CHIT1: variants seen among roughly 807,000 people sequenced by gnomAD.
The protein encoded by CHIT1 is chitinase 1, also known as chitotriosidase-1.
A neutral mutation model predicts 52.0 loss-of-function variants in CHIT1; 47 were observed. That is an observed-to-expected ratio of 0.90 (90% CI 0.71 to 1.15). The LOEUF is 1.15. Among genes scored for constraint, CHIT1 ranks in the 50% most tolerant of loss-of-function variants. CHIT1 has a pLI of 0.00. For missense variants in CHIT1, 569 were observed against 583.0 expected (o/e 0.98, Z 0.25); for synonymous variants, 242 against 228.2 (o/e 1.06, Z -0.54).
chr1:203,216,146 G>C lies in CHIT1; in HGVS notation c.*743C>G, dbSNP rs541251343. ...GCTCTCTGGCCCATTTCAGGCCTTG[G>C]TTCTGGACTCAGAATTGGTTAGAAT... On this transcript the variant is annotated 3_prime_UTR_variant, in exon 11 of 11. Transcript: ENST00000367229. 3.4e-4 allele frequency: 156 copies of C among 454,114 alleles called. No individual in the cohort carries two copies. The highest frequency in any genetic ancestry group is 3.0e-3 in the African/African-American group (151 of 50,112). 28.1% of individuals were successfully genotyped at this position (454,114 alleles called of 1,614,324 possible). A position where few individuals can be genotyped will look rare whatever the true frequency, so the allele number is the denominator to read the frequency against.
chr1:203,220,465 G>A (rs1021499264), intron 7 of CHIT1, among the ~76,000 whole-genome samples: 1 of 152,080 alleles, frequency 6.6e-6, no homozygotes, highest in African/African-American at 2.4e-5. Context: ...TAGAACAAAG[G>A]CTTCCTTACC....
In CHIT1 at chr1:203,223,572, G is replaced by A. The variant is rs200190580; in HGVS notation, c.403C>T (p.Leu135Phe). 65 of 1,614,202 alleles carry A rather than the reference G, an allele frequency of 4.0e-5. No homozygotes were observed. The highest frequency in any genetic ancestry group is 8.5e-7 in the Non-Finnish European group (1 of 1,180,036). The change falls in exon 5 of 11, where the codon CTT becomes TTT. Residue 135 changes from leucine (L) to phenylalanine (F), a missense_variant. By Grantham distance (22) the Leu-to-Phe change is conservative (BLOSUM62 0). Transcript: ENST00000367229. ...RFLRKYSFDG[L>F]DLDWEYPGSQ... is the part of the protein sequence containing the mutation. ...CCTGGGTACTCCCAGTCAAGGTCAA[G>A]GCCGTCAAAGCTGTATTTGCGCAGA...
intron 7 of CHIT1, among the ~76,000 whole-genome samples, chr1:203,221,852 C>T (rs1656748339): frequency 6.6e-6 from 1 of 152,146 alleles, no homozygotes; most frequent in Non-Finnish European, 1.5e-5. Context: ...GAGCACAAGT[C>T]TGCCCACTGT....
chr1:203,222,616 A>T (rs1656779466), intron 6 of CHIT1, among the ~76,000 whole-genome samples: 1 of 152,144 alleles, frequency 6.6e-6, no homozygotes, highest in Non-Finnish European at 1.5e-5. Context: ...CTACATTGCT[A>T]TTCTGGAGGG....
intron 4 of CHIT1, among the ~76,000 whole-genome samples, 168 bp downstream of exon 4, chr1:203,224,880 A>C (rs2486963): frequency 6.6e-6 from 1 of 151,734 alleles, no homozygotes; most frequent in Non-Finnish European, 1.5e-5. Flanking sequence ...CCTCCAGCTG[A>C]GGTGCCAAGA....
rs1360826373 is a variant in CHIT1 at position 203,216,930 on chromosome 1, G to C, written c.1360C>G (p.Leu454Val). Residue 454 changes from leucine (L) to valine (V), a missense_variant, in exon 11 of 11, where the codon CTG becomes GTG. Leu to Val is a conservative substitution (Grantham distance 32). Coordinates refer to ENST00000367229, the MANE Select transcript of CHIT1 (RefSeq NM_003465.3). ...CATTTGCAGGAGTTGCTGAACACCA[G>C]GCCTGTCGGGCAGCTTTGCTGGAAC... Reference protein sequence around the residue: ...RLFQQSCPTGLVFSNSCKCCT... With the variant: ...RLFQQSCPTGVVFSNSCKCCT... The C allele has an allele frequency of 6.2e-7, 1 of 1,614,208 alleles. No individual in the cohort carries two copies. The highest frequency in any genetic ancestry group is 8.5e-7 in the Non-Finnish European group (1 of 1,180,024).
Position 203,225,077 on chromosome 1 carries a change from G to A in CHIT1, c.285C>T (p.Ala95=), listed in dbSNP as rs571412325. Residue 95 remains alanine, a synonymous_variant, in exon 4 of 11, where the codon GCC becomes GCT. Transcript: ENST00000367229. ...KMNPKLKTLL[A]IGGWNFGTQK... is the part of the protein sequence containing the mutation. ...GAGTGCCGAAATTCCAGCCTCCGAT[G>A]GCTAACAGGGTCTTCAGCTTGGGAT... The A allele has an allele frequency of 3.1e-6, 5 of 1,613,848 alleles. No individual in the cohort carries two copies. The East Asian group carries it at 1.1e-4, about 36-fold the overall frequency.
At chr1:203,222,503 C>A (rs1656776259) in intron 6 of CHIT1, among the ~76,000 whole-genome samples, 178 bp from the exon 7 acceptor site, 1 of 152,194 alleles carries the variant, frequency 6.6e-6, no homozygotes, top group African/African-American at 2.4e-5. Context: ...CCAGCCAGCC[C>A]CCTTATGAAG....
chr1:203,224,922 G>C lies in CHIT1; in HGVS notation c.314+126C>G, dbSNP rs913453720. 112 of 854,006 alleles carry C rather than the reference G, an allele frequency of 1.3e-4. No individual in the cohort carries two copies. The East Asian group carries it at 2.9e-3, about 22-fold the overall frequency. 52.9% of individuals were successfully genotyped at this position (854,006 alleles called of 1,614,324 possible). A position where few individuals can be genotyped will look rare whatever the true frequency, so the allele number is the denominator to read the frequency against. On this transcript the variant is annotated intron_variant, in intron 4 of 10. Transcript: ENST00000367229. ...AAGGAAATTCAGCCCTCAGAGTTCA[G>C]CTCCCCTCCCCTTTCCCCTGACCAC...
intron 9 of CHIT1, chr1:203,218,138 C>T: frequency 1.4e-6 from 2 of 1,427,636 alleles, no homozygotes; most frequent in Non-Finnish European, 1.9e-6. Context: ...CAGTTGTGTG[C>T]ACCTCCCTAA....
chr1:203,226,422 C>T (rs1656933619), intron 2 of CHIT1, among the ~76,000 whole-genome samples: 1 of 152,200 alleles, frequency 6.6e-6, no homozygotes, highest in African/African-American at 2.4e-5. Context: ...GGAAGGCAGG[C>T]AGAACTTTCA....
intron 10 of CHIT1, chr1:203,217,509 C>T: frequency 9.0e-7 from 1 of 1,116,092 alleles, no homozygotes. Context: ...GCCACGGTTA[C>T]AACAACCCTG....
intron 7 of CHIT1, among the ~76,000 whole-genome samples, chr1:203,221,412 T>C (rs1383504497): frequency 1.3e-5 from 2 of 151,982 alleles, no homozygotes; most frequent in Non-Finnish European, 2.9e-5. Context: ...GCCAGGAGGA[T>C]TGATTGAGGG....
rs140770731 is a variant in CHIT1, at chr1:203,223,162, G to T, written c.578C>A (p.Ala193Asp). 1.2e-6 allele frequency: 2 copies of T among 1,614,170 alleles called. No homozygotes were observed. Among genetic ancestry groups the T allele is most frequent in the Non-Finnish European group, 1.7e-6 (2 of 1,180,024 alleles). Residue 193 changes from alanine (A) to aspartate (D), a missense_variant, in exon 6 of 11, where the codon GCT becomes GAT. Ala to Asp is a moderately radical substitution (Grantham distance 126, BLOSUM62 -2). Transcript: ENST00000367229. Reference protein sequence around the residue: ...AVPAGQTYVDAGYEVDKIAQN... With the variant: ...AVPAGQTYVDDGYEVDKIAQN... ...GGCGATTTTGTCCACCTCGTATCCA[G>T]CATCCACATAGGTCTGCCCAGCTGG... is the stretch of plus-strand genomic sequence containing the variant.
chr1:203,224,445 A>T (rs1046673976), intron 4 of CHIT1, among the ~76,000 whole-genome samples: 1 of 152,238 alleles, frequency 6.6e-6, no homozygotes, highest in Admixed American at 6.5e-5. Context: ...AATCACTTTC[A>T]TCAGATTCCC....
Position 203,219,815 on chromosome 1 carries a change from G to T in CHIT1, c.764C>A (p.Thr255Asn). The change falls in exon 8 of 11, where the codon ACC (threonine) becomes AAC (asparagine). Residue 255 changes from threonine (T) to asparagine (N), a missense_variant. Physicochemically the swap from Thr to Asn is moderately conservative, Grantham distance 65. Transcript: ENST00000367229. ...AAVQQWLQKGTPASKLILGMP... is the reference protein window; with the variant it reads ...AAVQQWLQKGNPASKLILGMP... ...GCCAAGGATCAGCTTGCTGGCAGGG[G>T]TCCCCTTCTGCAGCCACTGTTGCAC... 6.2e-7 allele frequency: 1 copy of T among 1,612,432 alleles called. No homozygotes were observed. The highest frequency in any genetic ancestry group is 8.5e-7 in the Non-Finnish European group (1 of 1,179,872).
chr1:203,223,017 T>C (rs1656793349), intron 6 of CHIT1, 118 bp downstream of exon 6: 7 of 1,364,856 alleles, frequency 5.1e-6, no homozygotes, highest in Middle Eastern at 1.8e-4. Context: ...GGTGTAAGGA[T>C]GGGACTTTCC....
At position 203,222,300 on chromosome 1, in the gene CHIT1, C is replaced by A. The variant is rs201975143; in HGVS notation, c.631G>T (p.Ala211Ser). The change falls in exon 7 of 11, where the codon GCC becomes TCC. Residue 211 changes from alanine (A) to serine (S), a missense_variant. Physicochemically the swap from Ala to Ser is moderately conservative, Grantham distance 99. Transcript: ENST00000367229. ...TCCCAAGAGCCATGGAAGTCGTAGG[C>A]CATAAGGTTGACAAAATCCAGGTTC... ...AQNLDFVNLMAYDFHGSWEKV... is the reference protein window; with the variant it reads ...AQNLDFVNLMSYDFHGSWEKV... The A allele has an allele frequency of 2.5e-6, 4 of 1,614,140 alleles. No homozygotes were observed. The highest frequency in any genetic ancestry group is 2.7e-5 in the African/African-American group (2 of 75,012).
chr1:203,217,406 T>A, intron 10 of CHIT1: 2 of 1,486,846 alleles, frequency 1.3e-6, no homozygotes, highest in Non-Finnish European at 1.8e-6. Context: ...TGAGGGCAGG[T>A]GGGGGTGCCA....
Sources: allele counts gnomAD v4.1 joint callset (sites outside exome capture counted in the v4.1 genomes callset), GRCh38; gene constraint gnomAD v4.1.1; transcripts MANE v1.5; gene names NCBI Gene and HGNC (gene_info 2026-07-23, HGNC 2026-07-21).